Variants in INPP4B observed in about 807,000 individuals in gnomAD.
INPP4B encodes inositol polyphosphate-4-phosphatase type II B.
INPP4B carries 55 observed loss-of-function variants against 122.5 expected under a neutral mutation model. That is an observed-to-expected ratio of 0.45 (90% CI 0.36 to 0.56). The LOEUF (loss-of-function observed/expected upper bound fraction) is 0.56. INPP4B is among the 20% of genes least tolerant of loss of function. The probability of loss-of-function intolerance (pLI) is 0.00; values close to 1 mark genes in which losing one functional copy is unlikely to be tolerated. For synonymous variants in INPP4B, 403 were observed against 388.7 expected (o/e 1.04, Z -0.43); for missense variants, 1,000 against 1,097.7 (o/e 0.91, Z 1.26).
At chr4:142,365,620 T>C (rs1269749776) in intron 7 of INPP4B, among the ~76,000 whole-genome samples, 1 of 152,154 alleles carries the variant, frequency 6.6e-6, no homozygotes, top group Non-Finnish European at 1.5e-5. Context: ...TTAAATGCGA[T>C]GTGTATTCAC....
intron 11 of INPP4B, among the ~76,000 whole-genome samples, chr4:142,246,129 C>CAT (rs1195571779): frequency 6.8e-6 from 1 of 146,390 alleles, no homozygotes; most frequent in African/African-American, 2.6e-5. Context: ...TGTATGTATA[C>CAT]ACACACATAT....
At chr4:142,822,850 G>T (rs1169114075) in intron 1 of INPP4B, among the ~76,000 whole-genome samples, 1 of 152,122 alleles carries the variant, frequency 6.6e-6, no homozygotes, top group Non-Finnish European at 1.5e-5. Context: ...AATAGGCAAG[G>T]TTATGCTATG....
At chr4:142,242,178 C>T (rs1183243654) in intron 11 of INPP4B, among the ~76,000 whole-genome samples, 2 of 152,086 alleles carry the variant, frequency 1.3e-5, no homozygotes, top group African/African-American at 4.8e-5. Flanking sequence ...ATCTTAAATA[C>T]ATAATAAATG....
At chr4:142,512,918 G>T (rs751469233) in intron 2 of INPP4B, among the ~76,000 whole-genome samples, 27 of 152,070 alleles carry the variant, frequency 1.8e-4, no homozygotes, top group Non-Finnish European at 3.8e-4. Context: ...TATATTTTTT[G>T]ATATTACTCT....
chr4:142,677,092 A>C (rs541160140), intron 2 of INPP4B, among the ~76,000 whole-genome samples: 2 of 152,300 alleles, frequency 1.3e-5, no homozygotes, highest in South Asian at 4.1e-4. Context: ...CAATCTATCC[A>C]TCTGACAAAC....
At position 142,158,383 on chromosome 4, in the gene INPP4B, G is replaced by C. The variant is rs114010003; in HGVS notation, c.1563+1975C>G. 5.4e-3 allele frequency among the ~76,000 whole-genome samples: 817 copies of C among 152,140 alleles called. 5 individuals are homozygous for C. The highest frequency in any genetic ancestry group is 0.01 in the Middle Eastern group (3 of 294). On this transcript the variant is annotated intron_variant, in intron 17 of 25. Coordinates refer to ENST00000262992, the MANE Select transcript of INPP4B (RefSeq NM_001101669.3). ...CCTGAATAGGCTGTGGAGTAACTGA[G>C]GGCCAACGTTGTTCACCTGCTGTCC...
chr4:142,052,019 T>C (rs1028729994), intron 25 of INPP4B, among the ~76,000 whole-genome samples: 2 of 152,026 alleles, frequency 1.3e-5, no homozygotes, highest in African/African-American at 4.8e-5. Flanking sequence ...TTTTCTTTGA[T>C]GGTTTTACTT....
intron 2 of INPP4B, among the ~76,000 whole-genome samples, chr4:142,485,554 A>G (rs1821100609): frequency 6.6e-6 from 1 of 152,148 alleles, no homozygotes; most frequent in East Asian, 1.9e-4. Flanking sequence ...ATGGGCAAAT[A>G]TTATGACTTC....
intron 12 of INPP4B, among the ~76,000 whole-genome samples, chr4:142,216,028 T>C (rs1847110543): frequency 2.0e-5 from 3 of 152,056 alleles, no homozygotes; most frequent in South Asian, 4.1e-4. Context: ...CATAAATGCT[T>C]TTTTAAATTC....
At chr4:142,077,412 G>C (rs1032260238) in intron 25 of INPP4B, among the ~76,000 whole-genome samples, 1 of 151,590 alleles carries the variant, frequency 6.6e-6, no homozygotes, top group Non-Finnish European at 1.5e-5. Flanking sequence ...ATAGTACAAT[G>C]GTATTTTTGT....
intron 3 of INPP4B, among the ~76,000 whole-genome samples, chr4:142,457,296 G>A (rs1815662376): frequency 6.6e-6 from 1 of 152,050 alleles, no homozygotes; most frequent in African/African-American, 2.4e-5. Flanking sequence ...CTTTATTGAA[G>A]TTGAAAACTT....
intron 7 of INPP4B, among the ~76,000 whole-genome samples, chr4:142,397,025 G>T (rs1200952286): frequency 6.6e-6 from 1 of 152,132 alleles, no homozygotes; most frequent in Non-Finnish European, 1.5e-5. Context: ...ATACGCAATT[G>T]TCAAACTCAT....
At chr4:142,168,285 TTG>T (rs1474252307) in intron 16 of INPP4B, among the ~76,000 whole-genome samples, 1 of 151,592 alleles carries the variant, frequency 6.6e-6, no homozygotes, top group Non-Finnish European at 1.5e-5. Context: ...TCTCCCTTTT[TTG>T]TCATTTCTGT....
At chr4:142,193,276 T>C in intron 14 of INPP4B, 81 bp from the exon 15 acceptor site, 3 of 743,590 alleles carry the variant, frequency 4.0e-6, no homozygotes, top group South Asian at 3.8e-5. Context: ...GCATACCTAT[T>C]GTAGGAAGTA....
At chr4:142,624,590 A>T (rs981297772) in intron 2 of INPP4B, among the ~76,000 whole-genome samples, 1 of 152,156 alleles carries the variant, frequency 6.6e-6, no homozygotes, top group Admixed American at 6.6e-5. Context: ...AAACTATTCC[A>T]ATCAATAGAA....
chr4:142,494,291 T>C (rs575288179), intron 2 of INPP4B, among the ~76,000 whole-genome samples: 1 of 152,334 alleles, frequency 6.6e-6, no homozygotes, highest in East Asian at 1.9e-4. Flanking sequence ...TGTCTACTTC[T>C]AATTGTTATT....
At chr4:142,814,692 C>A (rs1169992592) in intron 1 of INPP4B, among the ~76,000 whole-genome samples, 1 of 151,944 alleles carries the variant, frequency 6.6e-6, no homozygotes, top group Non-Finnish European at 1.5e-5. Flanking sequence ...CAATAAAATT[C>A]ATAAAGTAGT....
At chr4:142,458,845 A>G (rs577490522) in intron 3 of INPP4B, among the ~76,000 whole-genome samples, 38 of 152,330 alleles carry the variant, frequency 2.5e-4, no homozygotes, top group African/African-American at 8.9e-4. Context: ...TTCTGTGTAT[A>G]TCCAAGTCAT....
intron 7 of INPP4B, among the ~76,000 whole-genome samples, chr4:142,340,883 C>T (rs547613062): frequency 2.6e-5 from 4 of 152,090 alleles, no homozygotes; most frequent in African/African-American, 4.8e-5. Flanking sequence ...CTTTAAGTAC[C>T]ATCTGGAGAA....
Sources: allele counts gnomAD v4.1 joint callset (sites outside exome capture counted in the v4.1 genomes callset), GRCh38; gene constraint gnomAD v4.1.1; transcripts MANE v1.5; gene names NCBI Gene and HGNC (gene_info 2026-07-23, HGNC 2026-07-21).